Variants in PROSER2 observed in about 807,000 individuals in gnomAD.
PROSER2 encodes proline and serine rich 2.
PROSER2 carries 18 observed loss-of-function variants against 14.6 expected under a neutral mutation model. The ratio of observed to expected loss-of-function variants is 1.23; its 90% CI spans 0.85 to 1.83. PROSER2 has a LOEUF of 1.83. Among genes scored for constraint, PROSER2 ranks in the 40% most tolerant of loss-of-function variants. PROSER2 has a pLI of 0.00. For synonymous variants in PROSER2, 367 were observed against 286.4 expected, an observed-to-expected ratio of 1.28 and a Z score of -2.84; for missense variants, 823 against 629.8, an observed-to-expected ratio of 1.31 and a Z score of -3.28.
chr10:11,863,694 G>A (rs1834288788), intron 2 of PROSER2, among the ~76,000 whole-genome samples: 1 of 152,038 alleles, frequency 6.6e-6, no homozygotes, highest in African/African-American at 2.4e-5. Flanking sequence ...CTACCTATTT[G>A]TTATTTACCT....
chr10:11,861,945 G>T (rs891410311), intron 2 of PROSER2, among the ~76,000 whole-genome samples: 2 of 152,206 alleles, frequency 1.3e-5, no homozygotes, highest in African/African-American at 4.8e-5. Context: ...AACATTGAGA[G>T]AAATTAAAGA....
chr10:11,857,582 G>A (rs1394426151), intron 2 of PROSER2, among the ~76,000 whole-genome samples: 1 of 151,578 alleles, frequency 6.6e-6, no homozygotes, highest in Non-Finnish European at 1.5e-5. Flanking sequence ...CCGTCTCTAC[G>A]AAAAATACAA....
intron 1 of PROSER2, among the ~76,000 whole-genome samples, chr10:11,828,683 A>G (rs1181777357): frequency 6.6e-6 from 1 of 152,202 alleles, no homozygotes; most frequent in East Asian, 1.9e-4. Flanking sequence ...AACCTGGACG[A>G]CAGAGCGAGA....
chr10:11,853,750 A>G (rs960767592), intron 2 of PROSER2, among the ~76,000 whole-genome samples: 19 of 152,122 alleles, frequency 1.2e-4, no homozygotes, highest in African/African-American at 4.6e-4. Context: ...AGACGTTTAA[A>G]TTATTTTTTC....
In PROSER2 at chr10:11,865,682, C is replaced by T. The variant is rs1041822368; in HGVS notation, c.139-849C>T. Reference sequence around the variant, plus strand: ...CATGCACAGTCCTCCATCTGGAGGGCGGTCACTTGGCTGCACTGACAGCCC... The same window carrying T: ...CATGCACAGTCCTCCATCTGGAGGGTGGTCACTTGGCTGCACTGACAGCCC... On this transcript the variant is annotated intron_variant, in intron 2 of 3. Coordinates refer to ENST00000277570, the MANE Select transcript of PROSER2 (RefSeq NM_153256.4). This position sits in a 1 kb window ranked among gnomAD's most constrained non-coding sequence, Gnocchi z 4.2. Among the ~76,000 whole-genome samples the T allele has an allele frequency of 6.6e-6, 1 of 152,180 alleles. No individual in the cohort carries two copies. Among genetic ancestry groups the T allele is most frequent in the Non-Finnish European group, 1.5e-5 (1 of 68,018 alleles).
chr10:11,848,970 C>G (rs761731655), intron 1 of PROSER2, among the ~76,000 whole-genome samples: 6 of 152,086 alleles, frequency 3.9e-5, no homozygotes, highest in Non-Finnish European at 8.8e-5. Flanking sequence ...GGGCGGATCA[C>G]AAGGTCAAGA....
intron 1 of PROSER2, among the ~76,000 whole-genome samples, chr10:11,846,976 T>C (rs936627410): frequency 1.3e-5 from 2 of 151,816 alleles, no homozygotes; most frequent in African/African-American, 4.8e-5. Context: ...GGTCTCAAAC[T>C]CCTGGCCTGA....
At chr10:11,846,655 A>G (rs1833927301) in intron 1 of PROSER2, among the ~76,000 whole-genome samples, 2 of 152,146 alleles carry the variant, frequency 1.3e-5, no homozygotes, top group Non-Finnish European at 2.9e-5. Context: ...CAGGTGTTTT[A>G]TATTTCATCC....
intron 2 of PROSER2, among the ~76,000 whole-genome samples, chr10:11,864,891 T>TG (rs887956849): frequency 1.3e-5 from 2 of 152,210 alleles, no homozygotes; most frequent in African/African-American, 4.8e-5. Flanking sequence ...ACCTGGCTTC[T>TG]GATTTCTGAT....
Position 11,862,533 on chromosome 10 carries a change from A to T in PROSER2, c.139-3998A>T, listed in dbSNP as rs918377579. Among the ~76,000 whole-genome samples the T allele has an allele frequency of 1.2e-4, 19 of 152,142 alleles. No homozygotes were observed. The highest frequency in any genetic ancestry group is 2.4e-4 in the Non-Finnish European group (16 of 68,036). ...GTAGCAAGACTTTGTCTCTACAAAA[A>T]ATATATAAAAATTAGCTGGGTATGG... On this transcript the variant is annotated intron_variant, in intron 2 of 3. Transcript: ENST00000277570. The surrounding 1 kb of genome is among the most constrained non-coding windows in gnomAD (Gnocchi z 4.2).
At position 11,835,127 on chromosome 10, in the gene PROSER2, AAAAG is replaced by A. The variant is rs869282898; in HGVS notation, c.-82+11661_-82+11664del. ...GTCTTAAAAAAAAAAAAAAAAAAGAAAAAGAAAAAGAAGTGTTAGTTATTGCAAT... is the reference window on the plus strand; with the variant it reads ...GTCTTAAAAAAAAAAAAAAAAAAGAAAAAAAGAAGTGTTAGTTATTGCAAT... On this transcript the variant is annotated intron_variant, in intron 1 of 3. Coordinates refer to ENST00000277570, the MANE Select transcript of PROSER2 (RefSeq NM_153256.4). Among the ~76,000 whole-genome samples, 16 of 152,054 alleles carry A rather than the reference AAAAG, an allele frequency of 1.1e-4. 2 individuals are homozygous for A. The highest frequency in any genetic ancestry group is 4.2e-4 in the South Asian group (2 of 4,812).
At chr10:11,843,687 A>G (rs74957211) in intron 1 of PROSER2, among the ~76,000 whole-genome samples, 1 of 142,114 alleles carries the variant, frequency 7.0e-6, no homozygotes, top group African/African-American at 2.6e-5. Context: ...CTCTGTCTCA[A>G]AAAAAAAAAA....
At chr10:11,839,325 T>A (rs929757938) in intron 1 of PROSER2, among the ~76,000 whole-genome samples, 1 of 152,176 alleles carries the variant, frequency 6.6e-6, no homozygotes, top group Admixed American at 6.5e-5. Context: ...AAGAAAGGCC[T>A]AAATTTGCAA....
At chr10:11,839,390 C>A (rs565723545) in intron 1 of PROSER2, among the ~76,000 whole-genome samples, 4 of 152,050 alleles carry the variant, frequency 2.6e-5, no homozygotes, top group South Asian at 2.1e-4. Flanking sequence ...AAAATAAATT[C>A]TTTAGGTCAT....
At chr10:11,855,069 C>T (rs925374501) in intron 2 of PROSER2, among the ~76,000 whole-genome samples, 1 of 149,180 alleles carries the variant, frequency 6.7e-6, no homozygotes, top group African/African-American at 2.5e-5. Flanking sequence ...TTAGAAGGCT[C>T]TTTAAGTAAA....
intron 1 of PROSER2, among the ~76,000 whole-genome samples, chr10:11,840,955 AATATATATATATATATATATATATATAT>A (rs1305528836): frequency 5.3e-5 from 1 of 18,888 alleles, no homozygotes; most frequent in African/African-American, 2.1e-4. Flanking sequence ...AAAAAAAAAA[AATATATATATATATATATATATATATAT>A]ATATATATGA....
intron 2 of PROSER2, among the ~76,000 whole-genome samples, chr10:11,857,743 T>TA (rs374000135): frequency 0.16 from 17,064 of 106,496 alleles, 1,632 homozygotes; most frequent in African/African-American, 0.2. Context: ...AGACCCCATC[T>TA]AAAAAAAAAA....
At chr10:11,849,079 T>A (rs796496715) in intron 1 of PROSER2, among the ~76,000 whole-genome samples, 2 of 149,504 alleles carry the variant, frequency 1.3e-5, no homozygotes, top group Admixed American at 1.3e-4. Context: ...CCCAGCTACT[T>A]GGGAGGCTGA....
rs1015817203 is a variant in PROSER2, at chr10:11,837,037, A to G, written c.-82+13567A>G. Among the ~76,000 whole-genome samples the G allele has an allele frequency of 1.3e-5, 2 of 152,020 alleles. No individual in the cohort carries two copies. The highest frequency in any genetic ancestry group is 4.8e-5 in the African/African-American group (2 of 41,372). Reference sequence around the variant, plus strand: ...CCACCTGCCCATCACTTAGTAGCCAACTCAGTTCTCAGATCAGCTGTCTAT... The same window carrying G: ...CCACCTGCCCATCACTTAGTAGCCAGCTCAGTTCTCAGATCAGCTGTCTAT... On this transcript the variant is annotated intron_variant, in intron 1 of 3. Transcript: ENST00000277570. This position sits in a 1 kb window ranked among gnomAD's most constrained non-coding sequence, Gnocchi z 4.6.
Sources: allele counts gnomAD v4.1 joint callset (sites outside exome capture counted in the v4.1 genomes callset), GRCh38; gene constraint gnomAD v4.1.1; non-coding constraint Gnocchi (gnomAD v3.1); transcripts MANE v1.5; gene names NCBI Gene and HGNC (gene_info 2026-07-23, HGNC 2026-07-21).